The following COMMD10 variants were observed in gnomAD, a reference collection of about 807,000 sequenced individuals.
COMMD10 encodes the protein COMM domain-containing protein 10.
In COMMD10, 33 loss-of-function variants were observed where a neutral mutation model predicts 28.9. The observed-to-expected ratio is 1.14, with a 90% confidence interval of 0.87 to 1.53. The LOEUF is 1.53. Among genes scored for constraint, COMMD10 ranks in the 40% most tolerant of loss-of-function variants. The probability of loss-of-function intolerance (pLI) is 0.00; values close to 1 mark genes in which losing one functional copy is unlikely to be tolerated. For synonymous variants in COMMD10, 110 were observed against 81.7 expected (o/e 1.35, Z -1.87); for missense variants, 310 against 233.4 (o/e 1.33, Z -2.14).
intron 5 of COMMD10, among the ~76,000 whole-genome samples, chr5:116,147,226 A>T (rs1402749276): frequency 6.6e-6 from 1 of 151,888 alleles, no homozygotes; most frequent in Non-Finnish European, 1.5e-5. Flanking sequence ...TTACTTTATC[A>T]TATGCTGGAG....
chr5:116,137,361 T>C (rs1752052894), intron 5 of COMMD10, among the ~76,000 whole-genome samples: 1 of 152,012 alleles, frequency 6.6e-6, no homozygotes, highest in South Asian at 2.1e-4. Context: ...AAGGAAAGCT[T>C]TTACAAAAAG....
chr5:116,197,318 G>A (rs1020657705), intron 5 of COMMD10, among the ~76,000 whole-genome samples: 1 of 152,122 alleles, frequency 6.6e-6, no homozygotes, highest in East Asian at 1.9e-4. Flanking sequence ...AATATTTTAC[G>A]CAAACAATAC....
intron 5 of COMMD10, among the ~76,000 whole-genome samples, chr5:116,165,767 C>G (rs1052007076): frequency 2.6e-5 from 4 of 152,100 alleles, no homozygotes; most frequent in Admixed American, 6.6e-5. Context: ...TATAAAGGCA[C>G]TCATCCTAAC....
intron 5 of COMMD10, among the ~76,000 whole-genome samples, chr5:116,166,150 C>T (rs1036180196): frequency 8.5e-5 from 5 of 59,066 alleles, no homozygotes. Context: ...GTCCATTTCT[C>T]TGTCAAATGG....
intron 5 of COMMD10, among the ~76,000 whole-genome samples, chr5:116,281,626 C>A (rs1365755078): frequency 6.6e-6 from 1 of 151,638 alleles, no homozygotes; most frequent in East Asian, 1.9e-4. Flanking sequence ...GAGAGAAAGT[C>A]TTCCAGTTTC....
intron 5 of COMMD10, among the ~76,000 whole-genome samples, chr5:116,188,923 C>T (rs1748249130): frequency 6.6e-6 from 1 of 152,210 alleles, no homozygotes; most frequent in South Asian, 2.1e-4. Context: ...AGCCACTGCA[C>T]CCAGCCCATA....
At chr5:116,284,003 C>T (rs1284395392) in intron 5 of COMMD10, among the ~76,000 whole-genome samples, 1 of 151,620 alleles carries the variant, frequency 6.6e-6, no homozygotes, top group Non-Finnish European at 1.5e-5. Flanking sequence ...TGGAAGCGCA[C>T]TTCTAATCCC....
At chr5:116,134,387 G>A (rs1481190966) in intron 5 of COMMD10, among the ~76,000 whole-genome samples, 1 of 151,192 alleles carries the variant, frequency 6.6e-6, no homozygotes, top group Non-Finnish European at 1.5e-5. Context: ...TTTAAATTCT[G>A]CAGTGAAAAA....
intron 5 of COMMD10, among the ~76,000 whole-genome samples, chr5:116,268,622 A>C (rs1032551568): frequency 1.3e-5 from 2 of 151,982 alleles, no homozygotes; most frequent in African/African-American, 4.9e-5. Flanking sequence ...AAGGAATATA[A>C]ATCATGCTGC....
At chr5:116,232,502 A>G (rs116214889) in intron 5 of COMMD10, among the ~76,000 whole-genome samples, 2,278 of 152,216 alleles carry the variant, frequency 0.015, 58 homozygotes, top group African/African-American at 0.048. Flanking sequence ...ACAAAGATCA[A>G]CCAGCTTGGC....
At chr5:116,193,631 A>G (rs1748431240) in intron 5 of COMMD10, among the ~76,000 whole-genome samples, 1 of 152,164 alleles carries the variant, frequency 6.6e-6, no homozygotes, top group Admixed American at 6.5e-5. Flanking sequence ...TCACAATCCT[A>G]AACATATGCA....
At chr5:116,274,083 C>A (rs1750835698) in intron 5 of COMMD10, among the ~76,000 whole-genome samples, 1 of 151,606 alleles carries the variant, frequency 6.6e-6, no homozygotes, top group African/African-American at 2.4e-5. Context: ...TCCTATAAAA[C>A]AGCAATATAT....
At chr5:116,285,858 C>G in intron 5 of COMMD10, among the ~76,000 whole-genome samples, 1 of 151,790 alleles carries the variant, frequency 6.6e-6, no homozygotes. Context: ...ACTTTGGAAC[C>G]AGGATAATAC....
In COMMD10 at chr5:116,122,099, G is replaced by A. The variant is rs544256216; in HGVS notation, c.400-11969G>A. Reference sequence around the variant, plus strand: ...TGGTATTGCCTAGGTTTTCTTCTAGGGTTTTTATGTTTTAGGTCTAACATG... The same window carrying A: ...TGGTATTGCCTAGGTTTTCTTCTAGAGTTTTTATGTTTTAGGTCTAACATG... On this transcript the variant is annotated intron_variant, in intron 4 of 6. Transcript: ENST00000274458. Among the ~76,000 whole-genome samples, 42 of 152,238 alleles carry A rather than the reference G, an allele frequency of 2.8e-4. No homozygotes were observed. The South Asian group carries it at 8.5e-3, about 31-fold the overall frequency.
At chr5:116,288,292 G>A (rs1325290156) in intron 5 of COMMD10, among the ~76,000 whole-genome samples, 1 of 151,736 alleles carries the variant, frequency 6.6e-6, no homozygotes, top group African/African-American at 2.4e-5. Context: ...GGCCTTCAAA[G>A]TTTCTGCTGA....
intron 4 of COMMD10, among the ~76,000 whole-genome samples, chr5:116,124,578 A>G (rs1042396496): frequency 3.9e-5 from 6 of 152,138 alleles, no homozygotes; most frequent in Non-Finnish European, 8.8e-5. Flanking sequence ...GTAGATGTCT[A>G]TTAGGTCTGC....
chr5:116,250,487 A>T (rs1750080607), intron 5 of COMMD10, among the ~76,000 whole-genome samples: 1 of 151,612 alleles, frequency 6.6e-6, no homozygotes, highest in African/African-American at 2.4e-5. Flanking sequence ...AAGGAAAAAA[A>T]ATTCTATTTG....
chr5:116,156,949 C>G (rs558314265), intron 5 of COMMD10, among the ~76,000 whole-genome samples: 5 of 152,128 alleles, frequency 3.3e-5, no homozygotes, highest in African/African-American at 1.2e-4. Flanking sequence ...TGCCATATTG[C>G]CTTATGGTGT....
intron 5 of COMMD10, among the ~76,000 whole-genome samples, chr5:116,237,447 A>T (rs971927150): frequency 6.6e-6 from 1 of 151,194 alleles, no homozygotes; most frequent in Non-Finnish European, 1.5e-5. Flanking sequence ...ATTTAGTTCT[A>T]TCATAAGTTC....
Sources: allele counts gnomAD v4.1 joint callset (sites outside exome capture counted in the v4.1 genomes callset), GRCh38; gene constraint gnomAD v4.1.1; transcripts MANE v1.5; gene names NCBI Gene and HGNC (gene_info 2026-07-23, HGNC 2026-07-21).